Variants in ADAMTS16 observed in about 807,000 individuals in gnomAD.
ADAMTS16 encodes the protein A disintegrin and metalloproteinase with thrombospondin motifs 16.
In ADAMTS16, 94 loss-of-function variants were observed where a neutral mutation model predicts 145.8. The ratio of observed to expected loss-of-function variants is 0.64; its 90% confidence interval spans 0.55 to 0.77. ADAMTS16 has a LOEUF of 0.77. ADAMTS16 is among the 30% of genes least tolerant of loss of function. The pLI is 0.00. For missense variants in ADAMTS16, 1,585 were observed against 1,591.5 expected (o/e 1.00, Z 0.07); for synonymous variants, 659 against 604.3 (o/e 1.09, Z -1.33).
At chr5:5,203,334 TTTGA>T (rs1736009338) in intron 9 of ADAMTS16, among the ~76,000 whole-genome samples, 1 of 152,224 alleles carries the variant, frequency 6.6e-6, no homozygotes, top group Non-Finnish European at 1.5e-5. Context: ...GACTGTCTTG[TTTGA>T]TTGTTTGCTG....
chr5:5,190,261 C>T (rs1560941395), intron 7 of ADAMTS16, 131 bp downstream of exon 7: 7 of 929,162 alleles, frequency 7.5e-6, no homozygotes, highest in East Asian at 2.8e-5. Flanking sequence ...GGTGTAAAGA[C>T]TCACTTCCCT....
intron 3 of ADAMTS16, among the ~76,000 whole-genome samples, chr5:5,157,718 A>G (rs1210829358): frequency 6.6e-6 from 1 of 152,224 alleles, no homozygotes; most frequent in African/African-American, 2.4e-5. Context: ...ATCATAATTT[A>G]AATCTGTATG....
At chr5:5,235,293 C>G (rs1290432944) in intron 13 of ADAMTS16, 107 bp downstream of exon 13, 1 of 1,217,558 alleles carries the variant, frequency 8.2e-7, no homozygotes, top group Non-Finnish European at 1.1e-6. Flanking sequence ...AGACGTCGCT[C>G]TGGGAGGTGA....
intron 8 of ADAMTS16, among the ~76,000 whole-genome samples, chr5:5,198,734 C>T (rs1735876322): frequency 6.6e-6 from 1 of 152,184 alleles, no homozygotes; most frequent in Admixed American, 6.5e-5. Context: ...CTAAGCAAAG[C>T]AGTTAAATAG....
chr5:5,186,963 A>G (rs1258009301), intron 5 of ADAMTS16, among the ~76,000 whole-genome samples: 2 of 152,184 alleles, frequency 1.3e-5, no homozygotes, highest in African/African-American at 4.8e-5. Context: ...CCATGATGTC[A>G]TGTGATTACT....
chr5:5,275,979 C>T (rs1738675562), intron 18 of ADAMTS16, among the ~76,000 whole-genome samples: 1 of 152,058 alleles, frequency 6.6e-6, no homozygotes, highest in South Asian at 2.1e-4. Flanking sequence ...CTGTCTCAGC[C>T]TCCCGAGTAG....
intron 3 of ADAMTS16, among the ~76,000 whole-genome samples, chr5:5,176,891 A>C (rs1735213523): frequency 6.6e-6 from 1 of 152,134 alleles, no homozygotes; most frequent in South Asian, 2.1e-4. Context: ...GACAGTTGGC[A>C]CTTCACCCAA....
intron 10 of ADAMTS16, among the ~76,000 whole-genome samples, chr5:5,220,968 C>A (rs193217877): frequency 6.6e-6 from 1 of 152,094 alleles, no homozygotes; most frequent in African/African-American, 2.4e-5. Context: ...TATGCATGCT[C>A]AGCCTCCTGA....
intron 9 of ADAMTS16, among the ~76,000 whole-genome samples, chr5:5,205,324 A>G (rs182237097): frequency 1.3e-3 from 191 of 152,194 alleles, no homozygotes; most frequent in Non-Finnish European, 2.1e-3. Context: ...AAAGAAAAAA[A>G]AAAAAGCTCT....
intron 18 of ADAMTS16, among the ~76,000 whole-genome samples, chr5:5,296,642 A>G (rs1466921718): frequency 6.6e-6 from 1 of 152,102 alleles, no homozygotes; most frequent in East Asian, 1.9e-4. Context: ...ACCCCTAGAG[A>G]GCCAAGGCCG....
rs535856678 is a variant in ADAMTS16, at chr5:5,310,153, C to G, written c.3411+3425C>G. Among the ~76,000 whole-genome samples the G allele has an allele frequency of 2.0e-5, 3 of 152,210 alleles. No homozygotes were observed. The South Asian group carries it at 6.2e-4, about 32-fold the overall frequency. Reference sequence around the variant, plus strand: ...CTGAGCTCAGCAGCCAAGCATCCCCCAAATGCTTGGTCAGATGGAACCATT... The same window carrying G: ...CTGAGCTCAGCAGCCAAGCATCCCCGAAATGCTTGGTCAGATGGAACCATT... On this transcript the variant is annotated intron_variant, in intron 21 of 22. Transcript: ENST00000274181. This position sits in a 1 kb window ranked among gnomAD's most constrained non-coding sequence, Gnocchi z 4.3.
intron 18 of ADAMTS16, among the ~76,000 whole-genome samples, chr5:5,291,486 C>G (rs1739314520): frequency 6.6e-6 from 1 of 152,130 alleles, no homozygotes; most frequent in Non-Finnish European, 1.5e-5. Flanking sequence ...GCTAGTCCTC[C>G]CAGCCTGCCC....
intron 17 of ADAMTS16, among the ~76,000 whole-genome samples, chr5:5,260,767 A>G (rs1007272027): frequency 6.6e-6 from 1 of 152,226 alleles, no homozygotes; most frequent in Non-Finnish European, 1.5e-5. Context: ...CCTTTTGACT[A>G]AGAAGCCCCA....
intron 3 of ADAMTS16, among the ~76,000 whole-genome samples, chr5:5,172,372 A>G (rs939781620): frequency 4.6e-5 from 7 of 152,002 alleles, no homozygotes; most frequent in African/African-American, 1.4e-4. Context: ...TTATTGATGT[A>G]GGCAGTTATA....
At chr5:5,276,493 A>G (rs942373943) in intron 18 of ADAMTS16, among the ~76,000 whole-genome samples, 2 of 152,236 alleles carry the variant, frequency 1.3e-5, no homozygotes, top group African/African-American at 4.8e-5. Flanking sequence ...GGAATAAGGA[A>G]TTTATACAAA....
chr5:5,162,687 C>A (rs1372460747), intron 3 of ADAMTS16, among the ~76,000 whole-genome samples: 10 of 151,326 alleles, frequency 6.6e-5, no homozygotes, highest in Middle Eastern at 3.2e-3. Flanking sequence ...TATCAGCTCC[C>A]ATGATTATAT....
chr5:5,163,766 T>C (rs1287742188), intron 3 of ADAMTS16, among the ~76,000 whole-genome samples: 1 of 152,182 alleles, frequency 6.6e-6, no homozygotes, highest in East Asian at 1.9e-4. Context: ...AGTAAGGAAA[T>C]GTCAGTAATA....
intron 18 of ADAMTS16, among the ~76,000 whole-genome samples, chr5:5,263,306 C>T (rs1032750772): frequency 1.3e-5 from 2 of 152,172 alleles, no homozygotes; most frequent in Non-Finnish European, 2.9e-5. Context: ...AACCCAAGCT[C>T]GGGTTCTCTG....
intron 3 of ADAMTS16, among the ~76,000 whole-genome samples, chr5:5,162,100 A>C (rs1395224768): frequency 6.6e-6 from 1 of 152,196 alleles, no homozygotes; most frequent in East Asian, 1.9e-4. Flanking sequence ...AGACGTATGC[A>C]TGTTAAAGTA....
Sources: gnomAD v4.1 joint callset for allele counts (sites outside exome capture counted in the v4.1 genomes callset) on GRCh38, gnomAD v4.1.1 for gene constraint, Gnocchi (gnomAD v3.1) non-coding constraint, MANE v1.5 for transcripts, NCBI Gene and HGNC (gene_info 2026-07-23, HGNC 2026-07-21) for gene names.